The following MDN1 variants were observed in gnomAD, a reference collection of about 807,000 sequenced individuals.
MDN1 encodes midasin.
MDN1 carries 266 observed loss-of-function variants against 669.2 expected under a neutral mutation model. The ratio of observed to expected loss-of-function variants is 0.40; its 90% CI spans 0.36 to 0.44. The LOEUF (loss-of-function observed/expected upper bound fraction) is 0.44. Ranked by LOEUF, MDN1 falls within the 20% of genes least tolerant of loss-of-function variation. MDN1 has a pLI of 1.00. For missense variants in MDN1, 5,940 were observed against 6,754.0 expected (o/e 0.88, Z 4.22); for synonymous variants, 2,385 against 2,457.1 (o/e 0.97, Z 0.87).
chr6:89,767,170 T>C (rs1194705385), intron 15 of MDN1, among the ~76,000 whole-genome samples: 1 of 152,182 alleles, frequency 6.6e-6, no homozygotes, highest in Non-Finnish European at 1.5e-5. Flanking sequence ...CACCCGCAAC[T>C]CTTCAAATTT....
intron 35 of MDN1, among the ~76,000 whole-genome samples, 160 bp from the exon 36 acceptor site, chr6:89,729,299 T>G (rs1207629065): frequency 6.6e-6 from 1 of 152,260 alleles, no homozygotes; most frequent in Non-Finnish European, 1.5e-5. Context: ...TTCCCCACTT[T>G]TAGATCCATA....
Position 89,685,924 on chromosome 6 carries a change from A to T in MDN1, c.11622T>A (p.Phe3874Leu). ...LMLLVSTLQA[F>L]IEGSSLGEFH... ...ACTCTCCCAGCGAGGATCCTTCAAT[A>T]AATGCTTGTAATGTGCTGACCAGCA... Residue 3874 changes from phenylalanine to leucine, a missense_variant, in exon 70 of 102, where the codon TTT (phenylalanine) becomes TTA (leucine). Physicochemically the swap from Phe to Leu is conservative, Grantham distance 22. Around this residue, in one of 5 missense-constraint regions of MDN1, gnomAD observed 2,280 missense variants for 2,576.3 expected, o/e 0.88. Transcript: ENST00000369393. 6.2e-7 allele frequency: 1 copy of T among 1,614,198 alleles called. No individual in the cohort carries two copies. Among genetic ancestry groups the T allele is most frequent in the Non-Finnish European group, 8.5e-7 (1 of 1,180,036 alleles).
At chr6:89,759,162 C>G (rs1161305144) in intron 17 of MDN1, among the ~76,000 whole-genome samples, 1 of 152,110 alleles carries the variant, frequency 6.6e-6, no homozygotes, top group South Asian at 2.1e-4. Context: ...AAGGGAATAT[C>G]TTTGAGCCTA....
intron 33 of MDN1, 139 bp from the exon 34 acceptor site, chr6:89,732,914 T>C: frequency 1.4e-6 from 1 of 693,820 alleles, no homozygotes; most frequent in Non-Finnish European, 2.4e-6. Context: ...TGTACATAAA[T>C]GCTGTTTCTA....
At chr6:89,725,907 T>C (rs920569891) in intron 37 of MDN1, among the ~76,000 whole-genome samples, 1 of 148,132 alleles carries the variant, frequency 6.8e-6, no homozygotes, top group Non-Finnish European at 1.5e-5. Flanking sequence ...CCATGTATGT[T>C]AGAGATTTTG....
rs985834966 is a variant in MDN1 at position 89,764,436 on chromosome 6, C to T, written c.2145-1906G>A. Among the ~76,000 whole-genome samples the T allele has an allele frequency of 1.2e-4, 18 of 152,258 alleles. No individual in the cohort carries two copies. In the South Asian group the frequency reaches 3.7e-3, roughly 32 times the overall value. On this transcript the variant is annotated intron_variant, in intron 15 of 101. Coordinates refer to ENST00000369393, the MANE Select transcript of MDN1 (RefSeq NM_014611.3). ...CGTGGGCAACATGGTGAAACCCTGT[C>T]TCTACAAAAAATATAAAAATTAGCC...
rs1816847772 is a variant in MDN1, at chr6:89,749,621, T to C, written c.3537A>G (p.Thr1179=). Residue 1179 remains threonine, a synonymous_variant, in exon 25 of 102, where the codon ACA becomes ACG. Coordinates refer to ENST00000369393, the MANE Select transcript of MDN1 (RefSeq NM_014611.3). Reference sequence around the variant, plus strand: ...GAGGGTGTGCTTTAACAACTTCCTGTGTTTCTGTTACTAGCAATTCACGGT... The same window carrying C: ...GAGGGTGTGCTTTAACAACTTCCTGCGTTTCTGTTACTAGCAATTCACGGT... ...DDNRELLVTE[T]QEVVKAHPRF... is the part of the protein sequence containing the mutation. 1 of 1,614,090 alleles carries C rather than the reference T, an allele frequency of 6.2e-7. No homozygotes were observed. Among genetic ancestry groups the C allele is most frequent in the East Asian group, 2.2e-5 (1 of 44,894 alleles).
chr6:89,819,395 G>A (rs527248551), intron 1 of MDN1, 111 bp downstream of exon 1: 1 of 1,030,856 alleles, frequency 9.7e-7, no homozygotes, highest in African/African-American at 1.6e-5. Flanking sequence ...CTTGACCTGA[G>A]GCTGCACCAC....
At chr6:89,690,892 G>T in intron 63 of MDN1, 58 bp from the exon 64 acceptor site, 2 of 1,551,396 alleles carry the variant, frequency 1.3e-6, no homozygotes, top group Non-Finnish European at 1.8e-6. Flanking sequence ...ATTCACAAAG[G>T]CAAGATTTGC....
chr6:89,806,641 C>A (rs1768042948), intron 1 of MDN1, among the ~76,000 whole-genome samples: 1 of 152,094 alleles, frequency 6.6e-6, no homozygotes, highest in South Asian at 2.1e-4. Context: ...CGGCTTGAAC[C>A]CAGGAGGCGG....
At chr6:89,723,454 A>C (rs978638907) in intron 39 of MDN1, 58 bp downstream of exon 39, 3 of 1,083,590 alleles carry the variant, frequency 2.8e-6, no homozygotes, top group Non-Finnish European at 1.3e-6. Context: ...TATGTTGAAA[A>C]AATACTGGTT....
At chr6:89,788,361 A>G (rs2128326043) in intron 7 of MDN1, among the ~76,000 whole-genome samples, 1 of 152,342 alleles carries the variant, frequency 6.6e-6, no homozygotes, top group Admixed American at 6.5e-5. Flanking sequence ...AGGGCAGTGA[A>G]GTCTTCCCAG....
At chr6:89,790,063 C>T in intron 6 of MDN1, 96 bp downstream of exon 6, 1 of 1,589,944 alleles carries the variant, frequency 6.3e-7, no homozygotes, top group South Asian at 1.1e-5. Context: ...TAAGCAAGAC[C>T]AATAACTATT....
In MDN1 at chr6:89,732,429, A is replaced by G. The variant is rs1379559838; in HGVS notation, c.4942+128T>C. ...AAAGAGTACAAACAAAAGGAAAGCC[A>G]TTCTGAGTTTTAGAAATGTTCTGAG... On this transcript the variant is annotated intron_variant, in intron 34 of 101. Transcript: ENST00000369393. 23 of 774,218 alleles carry G rather than the reference A, an allele frequency of 3.0e-5. No homozygotes were observed. In the East Asian group the frequency reaches 4.9e-4, roughly 16 times the overall value. The allele number at this position is 774,218 out of a possible 1,614,324, so 48.0% of individuals were successfully genotyped here.
intron 9 of MDN1, 47 bp from the exon 10 acceptor site, chr6:89,781,639 T>G (rs746227159): frequency 6.8e-7 from 1 of 1,480,858 alleles, no homozygotes; most frequent in Non-Finnish European, 9.1e-7. Context: ...AGCATGGTAA[T>G]TTTTGAAAGC....
rs1808410105 is a variant in MDN1, at chr6:89,645,134, C to G, written c.16483G>C (p.Val5495Leu). The change falls in exon 101 of 102, where the codon GTC becomes CTC. Residue 5495 changes from valine to leucine, a missense_variant. Val to Leu is a conservative substitution (Grantham distance 32, BLOSUM62 1). Transcript: ENST00000369393. Reference protein sequence around the residue: ...SSETAQLLLVVSDGRGLFLEG... With the variant: ...SSETAQLLLVLSDGRGLFLEG... ...AGGAAAAGGCCTCGCCCATCAGAGA[C>G]TACCAGGAGGAGTTGTGCAGTTTCT... 2 of 1,608,746 alleles carry G rather than the reference C, an allele frequency of 1.2e-6. No homozygotes were observed. Among genetic ancestry groups the G allele is most frequent in the Non-Finnish European group, 1.7e-6 (2 of 1,175,462 alleles).
intron 88 of MDN1, 65 bp from the exon 89 acceptor site, chr6:89,658,982 G>C (rs965339823): frequency 2.1e-6 from 3 of 1,450,342 alleles, no homozygotes; most frequent in Non-Finnish European, 2.8e-6. Context: ...TCTTAAGCTG[G>C]GAGCTACTTA....
intron 29 of MDN1, 113 bp downstream of exon 29, chr6:89,745,159 AG>A: frequency 1.1e-5 from 13 of 1,152,176 alleles, no homozygotes; most frequent in South Asian, 4.4e-5. Context: ...AAAAGAAAAA[AG>A]AGGAAGGAGG....
intron 33 of MDN1, among the ~76,000 whole-genome samples, chr6:89,735,194 T>C (rs1475662947): frequency 2.6e-5 from 4 of 151,950 alleles, no homozygotes; most frequent in Non-Finnish European, 4.4e-5. Context: ...GGCCAATAGT[T>C]TGTTTTAATG....
Sources: gnomAD v4.1 joint callset for allele counts (sites outside exome capture counted in the v4.1 genomes callset) on GRCh38, gnomAD v4.1.1 for gene constraint, gnomAD v4.1.1 regional missense constraint, MANE v1.5 for transcripts, NCBI Gene and HGNC (gene_info 2026-07-23, HGNC 2026-07-21) for gene names.